Variants in CZIB observed in about 807,000 individuals in gnomAD.
The protein encoded by CZIB is CXXC motif containing zinc binding protein.
In CZIB, 26 loss-of-function variants were observed where a neutral mutation model predicts 28.3. The ratio of observed to expected loss-of-function variants is 0.92; its 90% CI spans 0.67 to 1.27. The LOEUF is 1.27. CZIB is among the 50% of genes most tolerant of loss of function. CZIB has a pLI of 0.00. For synonymous variants in CZIB, 78 were observed against 71.1 expected, an observed-to-expected ratio of 1.10 and a Z score of -0.49; for missense variants, 179 against 197.3, an observed-to-expected ratio of 0.91 and a Z score of 0.56.
chr1:53,218,630 G>A (rs146859972), intron 3 of CZIB, 135 bp from the exon 4 acceptor site: 78 of 950,888 alleles, frequency 8.2e-5, no homozygotes, highest in Non-Finnish European at 1.2e-4. Context: ...CAAGACTCCT[G>A]GGAAGGCTTC....
chr1:53,218,035 G>T, intron 5 of CZIB, 137 bp downstream of exon 5: 1 of 921,300 alleles, frequency 1.1e-6, no homozygotes, highest in Non-Finnish European at 1.7e-6. Context: ...AAATGACTGA[G>T]TCAAAGAAGA....
At chr1:53,218,541 T>TAC (rs763801420) in intron 3 of CZIB, 46 bp from the exon 4 acceptor site, 7 of 1,582,300 alleles carry the variant, frequency 4.4e-6, no homozygotes, top group Non-Finnish European at 6.1e-6. Context: ...GAATTAGATG[T>TAC]ACAGTCCTGA....
chr1:53,220,220 C>G (rs777699088), intron 2 of CZIB, 41 bp downstream of exon 2: 1 of 1,560,880 alleles, frequency 6.4e-7, no homozygotes, highest in Admixed American at 1.7e-5. Context: ...GCACTGAGAT[C>G]AGGACGGGCC....
In CZIB at chr1:53,214,582, C is replaced by A; in HGVS notation, c.*77G>T. On this transcript the variant is annotated 3_prime_UTR_variant, in exon 8 of 8. Coordinates refer to ENST00000294360, the MANE Select transcript of CZIB (RefSeq NM_017887.3). ...CACCAGGAGACAAGGGTCAAAGGAA[C>A]GAGCCTCTGTGGGCTCTGCTGCTTA... is the stretch of plus-strand genomic sequence containing the variant. The A allele has an allele frequency of 2.3e-6, 3 of 1,285,562 alleles. No homozygotes were observed. The highest frequency in any genetic ancestry group is 2.2e-6 in the Non-Finnish European group (2 of 894,096). 79.6% of individuals were successfully genotyped at this position (1,285,562 alleles called of 1,614,324 possible). A position where few individuals can be genotyped will look rare whatever the true frequency, so the allele number is the denominator to read the frequency against.
At chr1:53,218,077 G>T in intron 5 of CZIB, 95 bp downstream of exon 5, 1 of 1,304,614 alleles carries the variant, frequency 7.7e-7, no homozygotes, top group Non-Finnish European at 1.1e-6. Flanking sequence ...CCTATGGCAG[G>T]TCACTCTGAT....
At chr1:53,220,387 C>G in intron 1 of CZIB, 43 bp from the exon 2 acceptor site, 1 of 1,601,296 alleles carries the variant, frequency 6.2e-7, no homozygotes, top group Non-Finnish European at 8.5e-7. Flanking sequence ...CGTGCCTGCG[C>G]AGCCCCACGC....
Position 53,214,602 on chromosome 1 carries a change from T to C in CZIB, c.*57A>G. 1 of 1,499,380 alleles carries C rather than the reference T, an allele frequency of 6.7e-7. No homozygotes were observed. Among genetic ancestry groups the C allele is most frequent in the African/African-American group, 1.4e-5 (1 of 72,730 alleles). The allele number at this position is 1,499,380 out of a possible 1,614,324, so 92.9% of individuals were successfully genotyped here. Reference sequence around the variant, plus strand: ...AGGAACGAGCCTCTGTGGGCTCTGCTGCTTAGAGTACTTTGTCCTTTCTCA... The same window carrying C: ...AGGAACGAGCCTCTGTGGGCTCTGCCGCTTAGAGTACTTTGTCCTTTCTCA... On this transcript the variant is annotated 3_prime_UTR_variant, in exon 8 of 8. Coordinates refer to ENST00000294360, the MANE Select transcript of CZIB (RefSeq NM_017887.3).
intron 7 of CZIB, 40 bp from the exon 8 acceptor site, chr1:53,214,776 A>C (rs745605572): frequency 6.4e-7 from 1 of 1,567,718 alleles, no homozygotes. Context: ...ACAACGCAGA[A>C]TGCAGCCATG....
chr1:53,218,180 G>A lies in CZIB; in HGVS notation c.253C>T (p.Pro85Ser), dbSNP rs776731664. Residue 85 changes from proline (P) to serine (S), a missense_variant, in exon 5 of 8, where the codon CCT (proline) becomes TCT (serine). By Grantham distance (74) the Pro-to-Ser change is moderately conservative (BLOSUM62 -1). Transcript: ENST00000294360. The part of the protein sequence containing the change: ...SIEILSSTIK[P>S]YNAEDNENFK... The stretch of plus-strand genomic sequence containing the variant: ...TACAGCAGCAAACTTACATTGTAAG[G>A]CTTGATGGTGCTGCTTAAAATCTCT... 62 of 1,613,994 alleles carry A rather than the reference G, an allele frequency of 3.8e-5. No individual in the cohort carries two copies. The highest frequency in any genetic ancestry group is 3.4e-5 in the Non-Finnish European group (40 of 1,179,984).
chr1:53,214,825 G>A, intron 7 of CZIB, 89 bp from the exon 8 acceptor site: 1 of 1,016,080 alleles, frequency 9.8e-7, no homozygotes, highest in Admixed American at 2.0e-5. Flanking sequence ...GCCCAGCTCA[G>A]GCTCTGACTC....
Position 53,216,289 on chromosome 1 carries a change from C to T in CZIB, c.340-233G>A, listed in dbSNP as rs375522312. Among the ~76,000 whole-genome samples, 145 of 152,276 alleles carry T rather than the reference C, an allele frequency of 9.5e-4. 2 individuals are homozygous for T. In the South Asian group the frequency reaches 0.027, roughly 28 times the overall value. On this transcript the variant is annotated intron_variant, in intron 6 of 7. Coordinates refer to ENST00000294360, the MANE Select transcript of CZIB (RefSeq NM_017887.3). Reference sequence around the variant, plus strand: ...TTGGACCAGAAGGCAGCAGGGGCAGCGTAATCCCTTCCACTAGCCCTGGTT... The same window carrying T: ...TTGGACCAGAAGGCAGCAGGGGCAGTGTAATCCCTTCCACTAGCCCTGGTT...
At position 53,218,265 on chromosome 1, in the gene CZIB, C is replaced by G. The variant is rs1010450490; in HGVS notation, c.230-62G>C. On this transcript the variant is annotated intron_variant, in intron 4 of 7. Transcript: ENST00000294360. ...CCATACCCTCGCCCCAGCCAGGTGC[C>G]CACATGTGGCCCTGAAAAAGATCAC... The G allele has an allele frequency of 6.3e-6, 10 of 1,594,230 alleles. 1 individual carries two copies. The Admixed American group carries it at 1.7e-4, about 27-fold the overall frequency.
chr1:53,216,147 A>G lies in CZIB; in HGVS notation c.340-91T>C, dbSNP rs113619772. ...CGGCCAGGCTGCTGGCTCTTCTCAC[A>G]CTTCTGGGATGGAGGACAGAGATGC... On this transcript the variant is annotated intron_variant, in intron 6 of 7. Transcript: ENST00000294360. 36 of 1,214,252 alleles carry G rather than the reference A, an allele frequency of 3.0e-5. No individual in the cohort carries two copies. In the African/African-American group the frequency reaches 4.9e-4, roughly 17 times the overall value. The allele number at this position is 1,214,252 out of a possible 1,614,324, so 75.2% of individuals were successfully genotyped here.
At chr1:53,220,493 C>T (rs968558111) in intron 1 of CZIB, 77 bp downstream of exon 1, 16 of 1,595,772 alleles carry the variant, frequency 1.0e-5, no homozygotes, top group African/African-American at 5.3e-5. Flanking sequence ...GCTTCATCTC[C>T]TCCTGGCGCG....
chr1:53,220,414 C>T lies in CZIB; in HGVS notation c.7-70G>A, dbSNP rs1037141183. ...GCCCCACGCCTGCCCGACCCTCCCGCATTCCCAGCCGTGGGTGCCACAGGG... is the reference window on the plus strand; with the variant it reads ...GCCCCACGCCTGCCCGACCCTCCCGTATTCCCAGCCGTGGGTGCCACAGGG... On this transcript the variant is annotated intron_variant, in intron 1 of 7. Transcript: ENST00000294360. 7 of 1,584,648 alleles carry T rather than the reference C, an allele frequency of 4.4e-6. No homozygotes were observed. In the African/African-American group the frequency reaches 9.4e-5, roughly 21 times the overall value.
rs774833856 is a variant in CZIB, at chr1:53,218,197, A to C, written c.236T>G (p.Leu79Ter). 1.5e-5 allele frequency: 24 copies of C among 1,614,054 alleles called. No individual in the cohort carries two copies. The South Asian group carries it at 2.6e-4, about 18-fold the overall frequency. The change falls in exon 5 of 8, where the codon TTA becomes TGA. Residue 79 changes from leucine to a stop codon, truncating the protein, a stop_gained. Coordinates refer to ENST00000294360, the MANE Select transcript of CZIB (RefSeq NM_017887.3). LOFTEE classifies it high-confidence loss of function. The stretch of plus-strand genomic sequence containing the variant: ...ATTGTAAGGCTTGATGGTGCTGCTT[A>C]AAATCTCTGAAATAGAAAAGAGAAC... ...LCARENSIEI[L>*]SSTIKPYNAE... is the part of the protein sequence containing the mutation.
chr1:53,216,874 T>C lies in CZIB; in HGVS notation c.262-15A>G, dbSNP rs1420235730. On this transcript the variant is annotated splice_polypyrimidine_tract_variant and intron_variant, in intron 5 of 7. Transcript: ENST00000294360. ...TTGTCTTCAGCCTAGAAAGGAAGTG[T>C]GTTGAGGAGGCAGGCCCAAATGAGC... 1.2e-6 allele frequency: 2 copies of C among 1,612,502 alleles called. No individual in the cohort carries two copies. Among genetic ancestry groups the C allele is most frequent in the South Asian group, 2.2e-5 (2 of 91,050 alleles).
At position 53,214,887 on chromosome 1, in the gene CZIB, G is replaced by C. The variant is rs992770005; in HGVS notation, c.406-151C>G. On this transcript the variant is annotated intron_variant, in intron 7 of 7. Coordinates refer to ENST00000294360, the MANE Select transcript of CZIB (RefSeq NM_017887.3). Reference sequence around the variant, plus strand: ...GAACAGAGCCAGATAGCTCAGGCCTGAATTCTAGCTCTTTCAGTTGTATGA... The same window carrying C: ...GAACAGAGCCAGATAGCTCAGGCCTCAATTCTAGCTCTTTCAGTTGTATGA... 5 of 571,188 alleles carry C rather than the reference G, an allele frequency of 8.8e-6. No homozygotes were observed. In the African/African-American group the frequency reaches 9.3e-5, roughly 11 times the overall value. 35.4% of individuals were successfully genotyped at this position (571,188 alleles called of 1,614,324 possible). A position where few individuals can be genotyped will look rare whatever the true frequency, so the allele number is the denominator to read the frequency against.
chr1:53,220,172 A>T, intron 2 of CZIB, 89 bp downstream of exon 2: 1 of 1,184,162 alleles, frequency 8.4e-7, no homozygotes, highest in Middle Eastern at 2.0e-4. Flanking sequence ...GCCTGGTTAA[A>T]TATTTTCTCA....
Sources: gnomAD v4.1 joint callset for allele counts (sites outside exome capture counted in the v4.1 genomes callset) on GRCh38, gnomAD v4.1.1 for gene constraint, MANE v1.5 for transcripts, NCBI Gene and HGNC (gene_info 2026-07-23, HGNC 2026-07-21) for gene names.